LRIG3: variants seen among roughly 807,000 people sequenced by gnomAD.
The protein encoded by LRIG3 is leucine rich repeats and immunoglobulin like domains 3, also known as leucine-rich repeats and immunoglobulin-like domains protein 3.
Under a neutral mutation model 114.5 loss-of-function variants are expected in LRIG3, and 76 were observed. That is an observed-to-expected ratio of 0.66 (90% CI 0.55 to 0.80). The LOEUF is 0.80. Among genes scored for constraint, LRIG3 ranks in the 30% least tolerant of loss-of-function variants. LRIG3 has a pLI of 0.00. For missense variants in LRIG3, 1,239 were observed against 1,382.8 expected (o/e 0.90, Z 1.65); for synonymous variants, 512 against 519.8 (o/e 0.98, Z 0.20).
chr12:58,885,992 G>T, intron 9 of LRIG3, 90 bp from the exon 10 acceptor site: 3 of 656,424 alleles, frequency 4.6e-6, no homozygotes, highest in Non-Finnish European at 7.6e-6. Context: ...TAAATTATGT[G>T]TGAGCAATTC....
At position 58,876,454 on chromosome 12, in the gene LRIG3, C is replaced by A; in HGVS notation, c.2686G>T (p.Asp896Tyr). Reference sequence around the variant, plus strand: ...CATTTTAAACACTTACCACTACTGTCATGTTGTGGTAAGAAAAATCCAGCA... The same window carrying A: ...CATTTTAAACACTTACCACTACTGTAATGTTGTGGTAAGAAAAATCCAGCA... ...SGAGFFLPQHDSSGTCHIDNS... is the reference protein window; with the variant it reads ...SGAGFFLPQHYSSGTCHIDNS... Residue 896 changes from aspartate to tyrosine, a missense_variant, in exon 16 of 19, where the codon GAC becomes TAC. Transcript: ENST00000320743. 6.2e-7 allele frequency: 1 copy of A among 1,613,942 alleles called. No individual in the cohort carries two copies. The highest frequency in any genetic ancestry group is 8.5e-7 in the Non-Finnish European group (1 of 1,179,962).
In LRIG3 at chr12:58,920,345, C is replaced by T; in HGVS notation, c.-110G>A. The T allele has an allele frequency of 1.3e-6, 1 of 751,676 alleles. No individual in the cohort carries two copies. 46.6% of individuals were successfully genotyped at this position (751,676 alleles called of 1,614,324 possible). On this transcript the variant is annotated 5_prime_UTR_variant, in exon 1 of 19. Transcript: ENST00000320743. ...ACGCCCGCCCTCGCGGTCGCGTGCGCGCTCCTCCCTCGCGCTGCCCGGTCA... is the reference window on the plus strand; with the variant it reads ...ACGCCCGCCCTCGCGGTCGCGTGCGTGCTCCTCCCTCGCGCTGCCCGGTCA...
At chr12:58,899,899 T>C (rs1017580579) in intron 3 of LRIG3, among the ~76,000 whole-genome samples, 2 of 152,178 alleles carry the variant, frequency 1.3e-5, no homozygotes, top group African/African-American at 4.8e-5. Context: ...ATCTCCAGTC[T>C]GGTGAGTAGA....
chr12:58,889,958 G>A, intron 5 of LRIG3, 38 bp downstream of exon 5: 2 of 1,601,924 alleles, frequency 1.2e-6, no homozygotes, highest in Non-Finnish European at 1.7e-6. Context: ...GGGTTTGGAG[G>A]AGGTGAGAAA....
intron 3 of LRIG3, among the ~76,000 whole-genome samples, chr12:58,912,363 GC>G: frequency 6.6e-6 from 1 of 152,282 alleles, no homozygotes; most frequent in East Asian, 1.9e-4. Flanking sequence ...GGGCGTAGTG[GC>G]GGACGCCTGT....
In LRIG3 at chr12:58,888,973, T is replaced by C; in HGVS notation, c.660-11A>G. On this transcript the variant is annotated splice_polypyrimidine_tract_variant and intron_variant, in intron 5 of 18. Coordinates refer to ENST00000320743, the MANE Select transcript of LRIG3 (RefSeq NM_153377.5). ...TTTCGGTTCAATTCGCTGCATTGAG[T>C]ATTACAAGAGTTAGCTTATATGACA... 6.2e-7 allele frequency: 1 copy of C among 1,611,098 alleles called. No individual in the cohort carries two copies.
At chr12:58,876,355 T>C in intron 16 of LRIG3, 90 bp downstream of exon 16, 4 of 1,417,230 alleles carry the variant, frequency 2.8e-6, no homozygotes, top group East Asian at 2.4e-5. Flanking sequence ...GTCAGTGTTA[T>C]CAATGTCTTG....
chr12:58,894,516 T>C (rs1871571105), intron 3 of LRIG3, among the ~76,000 whole-genome samples: 1 of 152,160 alleles, frequency 6.6e-6, no homozygotes, highest in African/African-American at 2.4e-5. Flanking sequence ...AAAAATCTTT[T>C]TTATCATCTA....
At chr12:58,913,419 G>C (rs189844679) in intron 3 of LRIG3, 1 of 152,244 alleles carries the variant, frequency 6.6e-6, no homozygotes, top group East Asian at 1.9e-4. Context: ...AACCTTAATT[G>C]TATTTGAAAA....
chr12:58,874,242 A>G lies in LRIG3; in HGVS notation c.2928T>C (p.Pro976=), dbSNP rs750430621. The G allele has an allele frequency of 1.2e-6, 2 of 1,614,124 alleles. No individual in the cohort carries two copies. Among genetic ancestry groups the G allele is most frequent in the African/African-American group, 2.7e-5 (2 of 74,952 alleles). ...KKKECYPCSH[P]SEESCERSFS... is the part of the protein sequence containing the mutation. Reference sequence around the variant, plus strand: ...AGCTCCGTTCGCAGGATTCTTCTGAAGGATGAGAACATGGGTAGCACTCCT... The same window carrying G: ...AGCTCCGTTCGCAGGATTCTTCTGAGGGATGAGAACATGGGTAGCACTCCT... The change falls in exon 18 of 19, where the codon CCT becomes CCC. Residue 976 remains proline (P), a synonymous_variant. Transcript: ENST00000320743.
chr12:58,895,397 A>T (rs1871603481), intron 3 of LRIG3, among the ~76,000 whole-genome samples: 1 of 152,194 alleles, frequency 6.6e-6, no homozygotes, highest in African/African-American at 2.4e-5. Flanking sequence ...CTGTGGGATG[A>T]GTTAGCTCAG....
chr12:58,880,366 C>A, intron 13 of LRIG3: 1 of 688,014 alleles, frequency 1.5e-6, no homozygotes, highest in Non-Finnish European at 2.6e-6. Flanking sequence ...CTGTGTTACT[C>A]ACCACACTGA....
intron 15 of LRIG3, 42 bp downstream of exon 15, chr12:58,877,358 C>T (rs773162628): frequency 2.8e-5 from 44 of 1,587,654 alleles, no homozygotes; most frequent in Non-Finnish European, 3.4e-5. Context: ...ACCACAAATA[C>T]ACATGACTCC....
intron 3 of LRIG3, among the ~76,000 whole-genome samples, chr12:58,891,168 C>T (rs1871444606): frequency 6.6e-6 from 1 of 152,036 alleles, no homozygotes; most frequent in African/African-American, 2.4e-5. Context: ...CAGGCTACAG[C>T]GCAGTGGCAC....
intron 1 of LRIG3, among the ~76,000 whole-genome samples, chr12:58,917,843 G>C (rs1238307907): frequency 6.6e-6 from 1 of 152,114 alleles, no homozygotes; most frequent in Admixed American, 6.5e-5. Flanking sequence ...ATCTGAACTC[G>C]GAAATCATCT....
chr12:58,891,947 C>A (rs78335124), intron 3 of LRIG3, among the ~76,000 whole-genome samples: 4,217 of 152,040 alleles, frequency 0.028, 77 homozygotes, highest in Non-Finnish European at 0.044. Flanking sequence ...CTCCTGGTAG[C>A]TATCAAATGG....
At chr12:58,897,392 G>A (rs1294786906) in intron 3 of LRIG3, among the ~76,000 whole-genome samples, 2 of 152,050 alleles carry the variant, frequency 1.3e-5, no homozygotes, top group African/African-American at 2.4e-5. Context: ...TTAATATAGA[G>A]GTCCTGCAAT....
At chr12:58,910,287 G>C (rs887888377) in intron 3 of LRIG3, among the ~76,000 whole-genome samples, 1 of 152,178 alleles carries the variant, frequency 6.6e-6, no homozygotes, top group African/African-American at 2.4e-5. Context: ...TACTAATTTA[G>C]AATCTCTAGG....
intron 3 of LRIG3, among the ~76,000 whole-genome samples, chr12:58,905,113 G>A (rs1036214248): frequency 1.3e-5 from 2 of 152,166 alleles, no homozygotes; most frequent in African/African-American, 4.8e-5. Context: ...TGCTCAATGG[G>A]CCAACAGGAT....
Sources: allele counts gnomAD v4.1 joint callset (sites outside exome capture counted in the v4.1 genomes callset), GRCh38; gene constraint gnomAD v4.1.1; transcripts MANE v1.5; gene names NCBI Gene and HGNC (gene_info 2026-07-23, HGNC 2026-07-21).